The following STARD9 variants were observed in gnomAD, a reference collection of about 807,000 sequenced individuals.
STARD9 encodes stAR-related lipid transfer protein 9.
STARD9 carries 346 observed loss-of-function variants against 399.8 expected under a neutral mutation model. The observed-to-expected ratio is 0.87, with a 90% CI of 0.79 to 0.95. The LOEUF (loss-of-function observed/expected upper bound fraction) is 0.95, where lower values mean the gene tolerates loss of function less well. Ranked by LOEUF, STARD9 falls within the 40% of genes least tolerant of loss-of-function variation. STARD9 has a pLI of 0.00. For synonymous variants in STARD9, 2,203 were observed against 2,143.5 expected, an observed-to-expected ratio of 1.03 and a Z score of -0.77; for missense variants, 5,832 against 5,667.5, an observed-to-expected ratio of 1.03 and a Z score of -0.93.
chr15:42,684,726 A>C lies in STARD9; in HGVS notation c.3148A>C (p.Thr1050Pro). ...ASKRHQRVLA[T>P]RVRNITKKSS... ...AAAAAGGCATCAGAGGGTTCTGGCA[A>C]CTAGGGTCAGAAATATTACCAAAAA... The change falls in exon 23 of 33, where the codon ACT (threonine) becomes CCT (proline). Residue 1050 changes from threonine to proline, a missense_variant. Physicochemically the swap from Thr to Pro is conservative, Grantham distance 38 (BLOSUM62 -1). Transcript: ENST00000290607. The C allele has an allele frequency of 6.5e-7, 1 of 1,537,256 alleles. No homozygotes were observed. Among genetic ancestry groups the C allele is most frequent in the East Asian group, 2.4e-5 (1 of 40,902 alleles).
At position 42,692,955 on chromosome 15, in the gene STARD9, A is replaced by T; in HGVS notation, c.11377A>T (p.Lys3793Ter). The T allele has an allele frequency of 6.5e-7, 1 of 1,537,248 alleles. No homozygotes were observed. Among genetic ancestry groups the T allele is most frequent in the Middle Eastern group, 1.7e-4 (1 of 5,990 alleles). Residue 3793 changes from lysine (K) to a stop codon, truncating the protein, a stop_gained, in exon 23 of 33, where the codon AAA becomes TAA. Transcript: ENST00000290607. LOFTEE classifies it high-confidence loss of function. Reference protein sequence around the residue: ...QKREAEETAQKMAQLLYLQEE... With the variant: ...QKREAEETAQ ...GAGAGAGGCAGAGGAAACAGCACAG[A>T]AAATGGCTCAGCTCCTCTATCTTCA...
intron 8 of STARD9, among the ~76,000 whole-genome samples, chr15:42,651,890 A>G (rs1291328778): frequency 6.6e-6 from 1 of 152,224 alleles, no homozygotes; most frequent in Non-Finnish European, 1.5e-5. Flanking sequence ...CTCTGAGAAC[A>G]GAGCTCAGTG....
rs745529756 is a variant in STARD9 at position 42,690,984 on chromosome 15, G to A, written c.9406G>A (p.Ala3136Thr). 5 of 1,537,218 alleles carry A rather than the reference G, an allele frequency of 3.3e-6. No homozygotes were observed. The South Asian group carries it at 5.9e-5, about 18-fold the overall frequency. Residue 3136 changes from alanine (A) to threonine (T), a missense_variant, in exon 23 of 33, where the codon GCA becomes ACA. Physicochemically the swap from Ala to Thr is moderately conservative, Grantham distance 58. Transcript: ENST00000290607. ...QVCQTNPEPP[A>T]TTQGPHTLDL... The stretch of plus-strand genomic sequence containing the variant: ...GTGTCAAACCAATCCAGAACCACCT[G>A]CAACAACTCAGGGACCACACACCCT...
intron 20 of STARD9, 115 bp downstream of exon 20, chr15:42,676,090 T>C: frequency 2.4e-6 from 2 of 827,642 alleles, no homozygotes; most frequent in South Asian, 1.5e-5. Context: ...AAGGTCTGAA[T>C]GAGCCCTTGT....
chr15:42,622,335 C>T (rs767069860), intron 3 of STARD9, among the ~76,000 whole-genome samples: 4 of 152,070 alleles, frequency 2.6e-5, no homozygotes, highest in Non-Finnish European at 5.9e-5. Context: ...TCACCTGTAG[C>T]TCGCTCTCTC....
chr15:42,581,620 C>T (rs926525775), intron 1 of STARD9: 5 of 650,178 alleles, frequency 7.7e-6, no homozygotes, highest in African/African-American at 3.7e-5. Flanking sequence ...GTTCCCTCGT[C>T]TGGCTCCGCC....
chr15:42,699,392 C>CTTTTCTTTTTTTTT (rs1359323091), intron 26 of STARD9, among the ~76,000 whole-genome samples: 11 of 113,280 alleles, frequency 9.7e-5, no homozygotes, highest in African/African-American at 3.7e-4. Context: ...TTTTTCTTTT[C>CTTTTCTTTTTTTTT]TTTTTTTTTT....
intron 3 of STARD9, among the ~76,000 whole-genome samples, chr15:42,615,003 A>G (rs1435608528): frequency 7.4e-6 from 1 of 134,692 alleles, no homozygotes; most frequent in Non-Finnish European, 1.6e-5. Flanking sequence ...ATAAAGATAT[A>G]TAGTCAAGGA....
rs910334521 is a variant in STARD9, at chr15:42,672,779, A to G, written c.1498-1661A>G. On this transcript the variant is annotated intron_variant, in intron 16 of 32. Coordinates refer to ENST00000290607, the MANE Select transcript of STARD9 (RefSeq NM_020759.3). ...GCTCTGGCTGCTGACAGTGAAGCCT[A>G]GTGGGGAATTCTCTGGTCTCCCTAA... The G allele has an allele frequency of 1.2e-4, 19 of 152,220 alleles. 1 individual carries two copies. Among genetic ancestry groups the G allele is most frequent in the South Asian group, 2.1e-4 (1 of 4,832 alleles). 9.4% of individuals were successfully genotyped at this position (152,220 alleles called of 1,614,324 possible). A position where few individuals can be genotyped will look rare whatever the true frequency, so the allele number is the denominator to read the frequency against.
chr15:42,684,843 G>A lies in STARD9; in HGVS notation c.3265G>A (p.Val1089Ile). The change falls in exon 23 of 33, where the codon GTA (valine) becomes ATA (isoleucine). Residue 1089 changes from valine (V) to isoleucine (I), a missense_variant. Around this residue, in one of 2 missense-constraint regions of STARD9, gnomAD observed 5,828 missense variants for 5,651.1 expected, o/e 1.03. Transcript: ENST00000290607. ...TMVPLTDFSP[V>I]MDHSREKDND... ...GGTCCCACTCACAGATTTCAGCCCAGTAATGGATCATTCAAGAGAAAAAGA... is the reference window on the plus strand; with the variant it reads ...GGTCCCACTCACAGATTTCAGCCCAATAATGGATCATTCAAGAGAAAAAGA... The A allele has an allele frequency of 6.5e-7, 1 of 1,537,172 alleles. No individual in the cohort carries two copies. The highest frequency in any genetic ancestry group is 8.7e-7 in the Non-Finnish European group (1 of 1,146,900).
rs1461059641 is a variant in STARD9 at position 42,661,125 on chromosome 15, C to T, written c.703-33C>T. On this transcript the variant is annotated intron_variant, in intron 9 of 32. Coordinates refer to ENST00000290607, the MANE Select transcript of STARD9 (RefSeq NM_020759.3). ...AAGGGGAAAACAATACAAATCGTTC[C>T]AAATGACAGGCTTTAAATGTTTTCT... 5 of 1,481,422 alleles carry T rather than the reference C, an allele frequency of 3.4e-6. No individual in the cohort carries two copies. In the Admixed American group the frequency reaches 9.8e-5, roughly 29 times the overall value. 91.8% of individuals were successfully genotyped at this position (1,481,422 alleles called of 1,614,324 possible).
At chr15:42,695,002 A>G in intron 24 of STARD9, 138 bp from the exon 25 acceptor site, 1 of 838,408 alleles carries the variant, frequency 1.2e-6, no homozygotes. Context: ...TGAGGCTAAA[A>G]AATCATACTT....
At chr15:42,579,929 A>G in intron 1 of STARD9, among the ~76,000 whole-genome samples, 1 of 152,150 alleles carries the variant, frequency 6.6e-6, no homozygotes, top group East Asian at 1.9e-4. Flanking sequence ...AGTGGAGGCT[A>G]AAGTGCCTCT....
rs1470937242 is a variant in STARD9 at position 42,685,069 on chromosome 15, G to T, written c.3491G>T (p.Gly1164Val). ...KRYQSPKNRLGGNRPTNNRGQ... is the reference protein window; with the variant it reads ...KRYQSPKNRLVGNRPTNNRGQ... ...TACCAAAGCCCCAAAAACAGGCTAG[G>T]GGGCAATCGTCCCACCAACAACCGT... is the stretch of plus-strand genomic sequence containing the variant. Residue 1164 changes from glycine (G) to valine (V), a missense_variant, in exon 23 of 33, where the codon GGG (glycine) becomes GTG (valine). This residue lies in a region of STARD9 where 5,828 missense variants were observed against 5,651.1 expected (regional missense o/e 1.03). Coordinates refer to ENST00000290607, the MANE Select transcript of STARD9 (RefSeq NM_020759.3). 1.2e-5 allele frequency: 18 copies of T among 1,537,068 alleles called. No individual in the cohort carries two copies. Among genetic ancestry groups the T allele is most frequent in the Non-Finnish European group, 1.6e-5 (18 of 1,146,932 alleles).
At chr15:42,635,390 C>T (rs986536065) in intron 4 of STARD9, among the ~76,000 whole-genome samples, 5 of 151,992 alleles carry the variant, frequency 3.3e-5, no homozygotes, top group South Asian at 2.1e-4. Context: ...AGTGCAGTGG[C>T]GCAATTTCAG....
In STARD9 at chr15:42,685,935, A is replaced by G. The variant is rs2060544079; in HGVS notation, c.4357A>G (p.Ser1453Gly). ...RCIPDMTQQG[S>G]SEASHNSSVS... ...TATCCCTGACATGACCCAGCAGGGC[A>G]GCTCTGAAGCATCCCACAATTCTAG... Residue 1453 changes from serine (S) to glycine (G), a missense_variant, in exon 23 of 33, where the codon AGC becomes GGC. This residue lies in a region of STARD9 where 5,828 missense variants were observed against 5,651.1 expected (regional missense o/e 1.03). Coordinates refer to ENST00000290607, the MANE Select transcript of STARD9 (RefSeq NM_020759.3). 1 of 1,537,082 alleles carries G rather than the reference A, an allele frequency of 6.5e-7. No individual in the cohort carries two copies. The highest frequency in any genetic ancestry group is 1.4e-5 in the African/African-American group (1 of 73,046).
chr15:42,716,743 G>A lies in STARD9; in HGVS notation c.13351G>A (p.Val4451Met). The A allele has an allele frequency of 6.5e-7, 1 of 1,537,094 alleles. No homozygotes were observed. Among genetic ancestry groups the A allele is most frequent in the East Asian group, 2.4e-5 (1 of 40,916 alleles). ...GGATGAGCGAGGAGGCCATTCTGCA[G>A]TGAGGAAGAACTCTGCCTACAGTGA... ...IGDERGGHSA[V>M]RKNSAYSHRA... Residue 4451 changes from valine (V) to methionine (M), a missense_variant, in exon 27 of 33, where the codon GTG becomes ATG. Val to Met is a conservative substitution (Grantham distance 21). This residue lies in a region of STARD9 where 5,828 missense variants were observed against 5,651.1 expected (regional missense o/e 1.03). Coordinates refer to ENST00000290607, the MANE Select transcript of STARD9 (RefSeq NM_020759.3).
chr15:42,707,898 A>T (rs917799635), intron 26 of STARD9, among the ~76,000 whole-genome samples: 6 of 151,914 alleles, frequency 3.9e-5, no homozygotes, highest in African/African-American at 1.4e-4. Context: ...TGAGAGCCAG[A>T]CACGGTGGCT....
At chr15:42,681,238 C>T (rs1335909745) in intron 20 of STARD9, among the ~76,000 whole-genome samples, 184 bp from the exon 21 acceptor site, 1 of 152,226 alleles carries the variant, frequency 6.6e-6, no homozygotes, top group Non-Finnish European at 1.5e-5. Context: ...TTCTCCCCTC[C>T]TGCACTGTGA....
Sources: allele counts gnomAD v4.1 joint callset (sites outside exome capture counted in the v4.1 genomes callset), GRCh38; gene constraint gnomAD v4.1.1; regional missense constraint gnomAD v4.1.1; transcripts MANE v1.5; gene names NCBI Gene and HGNC (gene_info 2026-07-23, HGNC 2026-07-21).